The following XPR1 variants were observed in gnomAD, a reference collection of about 807,000 sequenced individuals.
XPR1 encodes solute carrier family 53 member 1.
In XPR1, 28 loss-of-function variants were observed where a neutral mutation model predicts 87.5. That is an observed-to-expected ratio of 0.32 (90% confidence interval 0.24 to 0.44). XPR1 has a LOEUF of 0.44. XPR1 is among the 20% of genes least tolerant of loss of function. XPR1 has a pLI of 1.00. For missense variants in XPR1, 559 were observed against 862.3 expected, an observed-to-expected ratio of 0.65 and a Z score of 4.41; for synonymous variants, 300 against 306.1, an observed-to-expected ratio of 0.98 and a Z score of 0.21.
chr1:180,828,171 C>T (rs1650926429), intron 9 of XPR1, among the ~76,000 whole-genome samples: 1 of 151,956 alleles, frequency 6.6e-6, no homozygotes, highest in African/African-American at 2.4e-5. Flanking sequence ...CCACCACACC[C>T]ATCCTTTTCT....
At chr1:180,752,854 T>G (rs1647585863) in intron 2 of XPR1, among the ~76,000 whole-genome samples, 2 of 152,170 alleles carry the variant, frequency 1.3e-5, no homozygotes, top group Admixed American at 6.5e-5. Flanking sequence ...ATAATAAAGG[T>G]CAGGTTATTG....
intron 2 of XPR1, among the ~76,000 whole-genome samples, chr1:180,717,173 A>G (rs940101510): frequency 6.6e-5 from 10 of 152,094 alleles, no homozygotes. Flanking sequence ...TTGTATTTTT[A>G]GTAGAGAAGG....
At chr1:180,841,919 G>A (rs577369368) in intron 11 of XPR1, among the ~76,000 whole-genome samples, 2 of 152,218 alleles carry the variant, frequency 1.3e-5, no homozygotes, top group South Asian at 4.1e-4. Flanking sequence ...CAGAAAATTT[G>A]ACATTGAATA....
At position 180,712,869 on chromosome 1, in the gene XPR1, C is replaced by T. The variant is rs1047119853; in HGVS notation, c.121+30458C>T. Among the ~76,000 whole-genome samples the T allele has an allele frequency of 4.7e-5, 7 of 149,928 alleles. No homozygotes were observed. The East Asian group carries it at 9.7e-4, about 21-fold the overall frequency. Reference sequence around the variant, plus strand: ...ATCAGTTGTTCATGTATATGTAGGTCTATTTCTTGATTACTATAGCTTTAG... The same window carrying T: ...ATCAGTTGTTCATGTATATGTAGGTTTATTTCTTGATTACTATAGCTTTAG... On this transcript the variant is annotated intron_variant, in intron 2 of 14. Transcript: ENST00000367590.
rs1655497359 is a variant in XPR1, at chr1:180,656,470, T to TCATG, written c.69+24200_69+24201insCATG. Among the ~76,000 whole-genome samples, 9 of 11,270 alleles carry TCATG rather than the reference T, an allele frequency of 8.0e-4. 2 individuals are homozygous for TCATG. The highest frequency in any genetic ancestry group is 3.7e-3 in the African/African-American group (9 of 2,428). The allele number at this position is 11,270 out of a possible 152,430, so 7.4% of individuals were successfully genotyped here. A position where few individuals can be genotyped will look rare whatever the true frequency, so the allele number is the denominator to read the frequency against. On this transcript the variant is annotated intron_variant, in intron 1 of 14. Transcript: ENST00000367590. ...ATATTTATATATTTATATATAATAT[T>TCATG]TATACATTATATATAATATTTATAT...
intron 2 of XPR1, among the ~76,000 whole-genome samples, chr1:180,703,516 T>C (rs1382333941): frequency 2.6e-5 from 4 of 152,142 alleles, no homozygotes; most frequent in Non-Finnish European, 5.9e-5. Flanking sequence ...CCCCTGATTA[T>C]GCACATAATG....
intron 2 of XPR1, among the ~76,000 whole-genome samples, chr1:180,765,689 A>G (rs1648258584): frequency 6.6e-6 from 1 of 152,214 alleles, no homozygotes; most frequent in Non-Finnish European, 1.5e-5. Flanking sequence ...TGTAAATACT[A>G]TGTAAATAGT....
Position 180,704,276 on chromosome 1 carries a change from ATT to A in XPR1, c.121+21866_121+21867del, listed in dbSNP as rs1491193329. Among the ~76,000 whole-genome samples, 161 of 141,344 alleles carry A rather than the reference ATT, an allele frequency of 1.1e-3. 4 individuals are homozygous for A. Among genetic ancestry groups the A allele is most frequent in the African/African-American group, 3.3e-3 (128 of 38,370 alleles). 92.7% of individuals were successfully genotyped at this position (141,344 alleles called of 152,430 possible). A position where few individuals can be genotyped will look rare whatever the true frequency, so the allele number is the denominator to read the frequency against. ...TATATATATATATATATATATATAT[ATT>A]ATCAGATTATCTGTTTTGTTACTAC... On this transcript the variant is annotated intron_variant, in intron 2 of 14. Transcript: ENST00000367590.
At chr1:180,864,179 T>A (rs565285462) in intron 12 of XPR1, among the ~76,000 whole-genome samples, 3 of 152,282 alleles carry the variant, frequency 2.0e-5, no homozygotes, top group Admixed American at 6.5e-5. Flanking sequence ...AATAACTTAC[T>A]GTAGTTTATG....
chr1:180,674,510 C>T (rs916948668), intron 1 of XPR1, among the ~76,000 whole-genome samples: 2 of 152,018 alleles, frequency 1.3e-5, no homozygotes, highest in East Asian at 1.9e-4. Flanking sequence ...CCACCCTCCT[C>T]GGCCTCCAAA....
At chr1:180,680,277 TTA>T (rs1379347781) in intron 1 of XPR1, among the ~76,000 whole-genome samples, 1 of 151,064 alleles carries the variant, frequency 6.6e-6, no homozygotes, top group Non-Finnish European at 1.5e-5. Flanking sequence ...AAAAGAAGTC[TTA>T]TACTCGGTGG....
chr1:180,888,506 G>A lies in XPR1; in HGVS notation c.*4440G>A. ...ACCACACTTTTCTCAAATCTAATAG[G>A]AATTCAGTGTCATTACAGATACGGT... On this transcript the variant is annotated 3_prime_UTR_variant, in exon 15 of 15. Coordinates refer to ENST00000367590, the MANE Select transcript of XPR1 (RefSeq NM_004736.4). The A allele has an allele frequency of 6.6e-6, 1 of 151,784 alleles. No individual in the cohort carries two copies. Among genetic ancestry groups the A allele is most frequent in the Non-Finnish European group, 1.5e-5 (1 of 67,952 alleles). The allele number at this position is 151,784 out of a possible 1,614,324, so 9.4% of individuals were successfully genotyped here. A position where few individuals can be genotyped will look rare whatever the true frequency, so the allele number is the denominator to read the frequency against.
intron 13 of XPR1, among the ~76,000 whole-genome samples, chr1:180,879,219 G>A (rs922445780): frequency 6.6e-6 from 1 of 152,114 alleles, no homozygotes; most frequent in African/African-American, 2.4e-5. Flanking sequence ...CCACCTTTAA[G>A]TCACCATCAT....
At chr1:180,787,322 A>G (rs1358987223) in intron 2 of XPR1, among the ~76,000 whole-genome samples, 1 of 150,862 alleles carries the variant, frequency 6.6e-6, no homozygotes, top group Non-Finnish European at 1.5e-5. Flanking sequence ...GTTTTTTTGA[A>G]ACGGGGTCTT....
At chr1:180,764,493 G>C (rs1648192412) in intron 2 of XPR1, among the ~76,000 whole-genome samples, 2 of 151,510 alleles carry the variant, frequency 1.3e-5, no homozygotes, top group African/African-American at 4.9e-5. Flanking sequence ...TTTTGAGATG[G>C]GGGTCTCACT....
chr1:180,834,723 G>T, intron 9 of XPR1, 151 bp from the exon 10 acceptor site: 1 of 776,848 alleles, frequency 1.3e-6, no homozygotes. Context: ...TCTCAACCTA[G>T]CCACTGTTGC....
Position 180,640,049 on chromosome 1 carries a change from G to C in XPR1, c.69+7779G>C, listed in dbSNP as rs146546200. Among the ~76,000 whole-genome samples the C allele has an allele frequency of 7.0e-4, 106 of 152,312 alleles. No individual in the cohort carries two copies. In the East Asian group the frequency reaches 0.019, roughly 27 times the overall value. On this transcript the variant is annotated intron_variant, in intron 1 of 14. Transcript: ENST00000367590. Reference sequence around the variant, plus strand: ...AGCAGTTAGGAACCAGGTGTCAGCTGTTTTACATATGTTATCTCAATGTTC... The same window carrying C: ...AGCAGTTAGGAACCAGGTGTCAGCTCTTTTACATATGTTATCTCAATGTTC...
At chr1:180,671,650 GA>G in intron 1 of XPR1, among the ~76,000 whole-genome samples, 1 of 152,152 alleles carries the variant, frequency 6.6e-6, no homozygotes, top group Admixed American at 6.5e-5. Flanking sequence ...TCAGCCTTGG[GA>G]TTACATGTGT....
intron 10 of XPR1, 128 bp downstream of exon 10, chr1:180,835,173 G>C: frequency 3.8e-6 from 4 of 1,041,442 alleles, no homozygotes; most frequent in Non-Finnish European, 5.3e-6. Flanking sequence ...TTAATTTAAT[G>C]TACTTGGCAT....
Sources: gnomAD v4.1 joint callset for allele counts (sites outside exome capture counted in the v4.1 genomes callset) on GRCh38, gnomAD v4.1.1 for gene constraint, MANE v1.5 for transcripts, NCBI Gene and HGNC (gene_info 2026-07-23, HGNC 2026-07-21) for gene names.